Variants in UBAP2L observed in about 807,000 individuals in gnomAD.
The protein encoded by UBAP2L is ubiquitin-associated protein 2-like.
Under a neutral mutation model 130.6 loss-of-function variants are expected in UBAP2L, and 12 were observed. That is an observed-to-expected ratio of 0.09 (90% confidence interval 0.06 to 0.15). The LOEUF (loss-of-function observed/expected upper bound fraction) is 0.15. UBAP2L is among the 10% of genes least tolerant of loss of function. The pLI is 1.00. For missense variants in UBAP2L, 965 were observed against 1,332.5 expected, an observed-to-expected ratio of 0.72 and a Z score of 4.29; for synonymous variants, 503 against 524.7, an observed-to-expected ratio of 0.96 and a Z score of 0.57.
At position 154,243,439 on chromosome 1, in the gene UBAP2L, T is replaced by TCTTA. The variant is rs1427255292; in HGVS notation, c.842+138_842+141dup. The TCTTA allele has an allele frequency of 4.7e-6, 3 of 640,356 alleles. No individual in the cohort carries two copies. In the African/African-American group the frequency reaches 5.7e-5, roughly 12 times the overall value. 39.7% of individuals were successfully genotyped at this position (640,356 alleles called of 1,614,324 possible). On this transcript the variant is annotated intron_variant, in intron 10 of 26. Coordinates refer to ENST00000428931, the MANE Select transcript of UBAP2L (RefSeq NM_014847.4). ...AAATTACATTACATCATTACATTCC[T>TCTTA]CTTAAGTTGATGGAGAGACTTCTTT...
At chr1:154,238,769 C>G (rs981311318) in intron 8 of UBAP2L, among the ~76,000 whole-genome samples, 1 of 151,608 alleles carries the variant, frequency 6.6e-6, no homozygotes, top group Non-Finnish European at 1.5e-5. Flanking sequence ...GAGACAGAGT[C>G]TTGCTCTGTC....
intron 6 of UBAP2L, 22 bp from the exon 7 acceptor site, chr1:154,236,544 C>T: frequency 1.9e-6 from 3 of 1,613,774 alleles, no homozygotes; most frequent in Non-Finnish European, 2.5e-6. Context: ...TCTCTCTTCT[C>T]TTTTTCTCAT....
chr1:154,260,435 C>A (rs1681171831), intron 22 of UBAP2L, among the ~76,000 whole-genome samples: 1 of 152,222 alleles, frequency 6.6e-6, no homozygotes, highest in Non-Finnish European at 1.5e-5. Context: ...CTCATCTCTG[C>A]CCCTTTATGC....
Position 154,255,312 on chromosome 1 carries a change from C to A in UBAP2L, c.2070C>A (p.Thr690=). 1 of 1,613,980 alleles carries A rather than the reference C, an allele frequency of 6.2e-7. No individual in the cohort carries two copies. ...SHSEEIPNTT[T]TQHSSTLSTQ... The stretch of plus-strand genomic sequence containing the variant: ...GTGAGGAGATTCCAAATACTACCAC[C>A]ACACAACACAGCAGGTGATTTGGGG... The change falls in exon 17 of 27, where the codon ACC becomes ACA. Residue 690 remains threonine, a synonymous_variant. Coordinates refer to ENST00000428931, the MANE Select transcript of UBAP2L (RefSeq NM_014847.4).
At chr1:154,222,193 A>T (rs1666440038) in intron 1 of UBAP2L, among the ~76,000 whole-genome samples, 2 of 152,068 alleles carry the variant, frequency 1.3e-5, no homozygotes, top group African/African-American at 4.8e-5. Flanking sequence ...CCTCCGCCGC[A>T]TATCCTGTTT....
At position 154,252,278 on chromosome 1, in the gene UBAP2L, ATTTT is replaced by A. The variant is rs1186353284; in HGVS notation, c.1664+644_1664+647del. Among the ~76,000 whole-genome samples, 109 of 108,976 alleles carry A rather than the reference ATTTT, an allele frequency of 1.0e-3. 1 individual carries two copies. The highest frequency in any genetic ancestry group is 1.6e-3 in the Non-Finnish European group (88 of 53,896). 71.5% of individuals were successfully genotyped at this position (108,976 alleles called of 152,430 possible). ...GGGTGAGCAACCGTGCCCAGCCCAG[ATTTT>A]TTTTTTTTTTTTTTTTTTAGATGGA... On this transcript the variant is annotated intron_variant, in intron 14 of 26. Coordinates refer to ENST00000428931, the MANE Select transcript of UBAP2L (RefSeq NM_014847.4).
chr1:154,232,532 G>A (rs1176419836), intron 4 of UBAP2L, among the ~76,000 whole-genome samples: 1 of 152,048 alleles, frequency 6.6e-6, no homozygotes, highest in Non-Finnish European at 1.5e-5. Flanking sequence ...CTTGCAGTTA[G>A]GAATGTATCA....
upstream of UBAP2L, chr1:154,220,669 G>C (rs1170523704): frequency 1.9e-6 from 1 of 540,332 alleles, no homozygotes; most frequent in Non-Finnish European, 3.3e-6. Context: ...CTCAGACGCG[G>C]AACTACGACA....
intron 18 of UBAP2L, among the ~76,000 whole-genome samples, 163 bp from the exon 19 acceptor site, chr1:154,256,900 T>C (rs1055005756): frequency 2.6e-5 from 4 of 152,224 alleles, no homozygotes; most frequent in African/African-American, 9.6e-5. Flanking sequence ...AGATTATTTC[T>C]AACTACTTTA....
chr1:154,251,603 G>C lies in UBAP2L; in HGVS notation c.1614G>C (p.Thr538=). The change falls in exon 14 of 27, where the codon ACG becomes ACC. Residue 538 remains threonine, a synonymous_variant. Transcript: ENST00000428931. ...VLSDYESTPT[T]SASSSQAPSS... is the part of the protein sequence containing the mutation. ...CTGATTATGAGTCCACCCCCACCAC[G>C]AGCGCCTCTTCAAGCCAGGCTCCAA... 1 of 1,613,996 alleles carries C rather than the reference G, an allele frequency of 6.2e-7. No individual in the cohort carries two copies. Among genetic ancestry groups the C allele is most frequent in the Non-Finnish European group, 8.5e-7 (1 of 1,179,994 alleles).
chr1:154,268,967 C>A lies in UBAP2L; in HGVS notation c.3168+13C>A. On this transcript the variant is annotated intron_variant, in intron 26 of 26. Transcript: ENST00000428931. ...GCAGGATGGCCAGGTAATAGCCCTT[C>A]CCCTTCTCTCCTTTCCCTTCCTCTT... is the stretch of plus-strand genomic sequence containing the variant. 1 of 1,612,664 alleles carries A rather than the reference C, an allele frequency of 6.2e-7. No homozygotes were observed. The highest frequency in any genetic ancestry group is 8.5e-7 in the Non-Finnish European group (1 of 1,179,346).
Position 154,270,245 on chromosome 1 carries a change from CCCCAGA to C in UBAP2L, c.3217_3222del (p.Gln1073_Thr1074del). On this transcript the variant is annotated inframe_deletion, in exon 27 of 27. Transcript: ENST00000428931. ...CCAGACCAGCTCCATCCCGCAGAAGCCCCAGACCAACAAGTCTGCCTACAACAGCTA... is the reference window on the plus strand; with the variant it reads ...CCAGACCAGCTCCATCCCGCAGAAGCCCAACAAGTCTGCCTACAACAGCTA... The C allele has an allele frequency of 6.2e-7, 1 of 1,613,546 alleles. No homozygotes were observed. Among genetic ancestry groups the C allele is most frequent in the African/African-American group, 1.3e-5 (1 of 75,036 alleles).
chr1:154,225,283 C>T, intron 2 of UBAP2L, 70 bp downstream of exon 2: 1 of 1,524,324 alleles, frequency 6.6e-7, no homozygotes, highest in Non-Finnish European at 9.0e-7. Flanking sequence ...TGCAGTACAG[C>T]ATCATTCTGT....
intron 25 of UBAP2L, among the ~76,000 whole-genome samples, chr1:154,267,831 T>G (rs1159827511): frequency 1.3e-5 from 2 of 150,346 alleles, no homozygotes; most frequent in African/African-American, 4.9e-5. Flanking sequence ...TGTTCACATA[T>G]GACATTCAGT....
Position 154,270,783 on chromosome 1 carries a change from T to TTTTTTTTTTC in UBAP2L, c.*491_*492insTTTTTTCTTT. 1 of 1,331,756 alleles carries TTTTTTTTTTC rather than the reference T, an allele frequency of 7.5e-7. No individual in the cohort carries two copies. Among genetic ancestry groups the TTTTTTTTTTC allele is most frequent in the Non-Finnish European group, 9.6e-7 (1 of 1,037,220 alleles). 82.5% of individuals were successfully genotyped at this position (1,331,756 alleles called of 1,614,324 possible). ...GGTTTTTTTTTTGTTTTTTTTTTTT[T>TTTTTTTTTTC]TTTGTACTGTGTCCTCAAATTTAAT... On this transcript the variant is annotated 3_prime_UTR_variant, in exon 27 of 27. Coordinates refer to ENST00000428931, the MANE Select transcript of UBAP2L (RefSeq NM_014847.4).
At chr1:154,262,621 G>T (rs529721977) in intron 24 of UBAP2L, among the ~76,000 whole-genome samples, 1 of 152,272 alleles carries the variant, frequency 6.6e-6, no homozygotes, top group Admixed American at 6.5e-5. Flanking sequence ...GGGTGGGTCA[G>T]TTGCCCACAG....
chr1:154,246,656 A>G (rs984014498), intron 11 of UBAP2L, among the ~76,000 whole-genome samples: 1 of 152,226 alleles, frequency 6.6e-6, no homozygotes, highest in Admixed American at 6.5e-5. Flanking sequence ...CTCTTGAGAG[A>G]AAATCAATGA....
rs2274990 is a variant in UBAP2L at position 154,258,899 on chromosome 1, A to G, written c.2443-78A>G. Reference sequence around the variant, plus strand: ...AGAATGAGGATGAATGTTCTGTTGAATTAGCTTGTCTCTTGGCTCCTTGTT... The same window carrying G: ...AGAATGAGGATGAATGTTCTGTTGAGTTAGCTTGTCTCTTGGCTCCTTGTT... On this transcript the variant is annotated intron_variant, in intron 20 of 26. Coordinates refer to ENST00000428931, the MANE Select transcript of UBAP2L (RefSeq NM_014847.4). 1,615 of 1,194,908 alleles carry G rather than the reference A, an allele frequency of 1.4e-3. 38 individuals carry two copies. The East Asian group carries it at 0.035, about 26-fold the overall frequency. The allele number at this position is 1,194,908 out of a possible 1,614,324, so 74.0% of individuals were successfully genotyped here.
Position 154,258,989 on chromosome 1 carries a change from G to A in UBAP2L, c.2455G>A (p.Gly819Ser), listed in dbSNP as rs888728890. 6.2e-7 allele frequency: 1 copy of A among 1,613,808 alleles called. No homozygotes were observed. Among genetic ancestry groups the A allele is most frequent in the Non-Finnish European group, 8.5e-7 (1 of 1,179,906 alleles). The change falls in exon 21 of 27, where the codon GGT becomes AGT. Residue 819 changes from glycine (G) to serine (S), a missense_variant. Physicochemically the swap from Gly to Ser is moderately conservative, Grantham distance 56. This residue lies in a region of UBAP2L where 393 missense variants were observed against 408.1 expected (regional missense o/e 0.96). Transcript: ENST00000428931. ...LLHAYPPQVY[G>S]YDDLQMLQTR... ...CTGTATCTTTCAGCCACAAGTATAT[G>A]GTTATGATGACTTGCAGATGCTTCA...
Sources: gnomAD v4.1 joint callset for allele counts (sites outside exome capture counted in the v4.1 genomes callset) on GRCh38, gnomAD v4.1.1 for gene constraint, gnomAD v4.1.1 regional missense constraint, MANE v1.5 for transcripts, NCBI Gene and HGNC (gene_info 2026-07-23, HGNC 2026-07-21) for gene names.